XIRP2: variants seen among roughly 807,000 people sequenced by gnomAD.
The protein encoded by XIRP2 is xin actin binding repeat containing 2, also known as xin actin-binding repeat-containing protein 2.
Under a neutral mutation model 277.0 loss-of-function variants are expected in XIRP2, and 236 were observed. That is an observed-to-expected ratio of 0.85 (90% CI 0.77 to 0.95). XIRP2 has a LOEUF of 0.95. XIRP2 is among the 40% of genes least tolerant of loss of function. The pLI is 0.00. For missense variants in XIRP2, 4,640 were observed against 4,157.5 expected (o/e 1.12, Z -3.19); for synonymous variants, 1,490 against 1,416.5 (o/e 1.05, Z -1.17).
At chr2:167,175,226 A>G (rs1298955311) in intron 3 of XIRP2, among the ~76,000 whole-genome samples, 1 of 152,016 alleles carries the variant, frequency 6.6e-6, no homozygotes, top group African/African-American at 2.4e-5. Flanking sequence ...TTACTTTAGA[A>G]CTTACTTTAT....
intron 2 of XIRP2, among the ~76,000 whole-genome samples, chr2:167,054,178 T>G (rs548041613): frequency 3.3e-5 from 5 of 152,306 alleles, no homozygotes; most frequent in Admixed American, 3.3e-4. Context: ...AATCACAATT[T>G]CAACTTAAAA....
chr2:167,211,492 A>G (rs1694046337), intron 4 of XIRP2, among the ~76,000 whole-genome samples: 1 of 152,226 alleles, frequency 6.6e-6, no homozygotes, highest in African/African-American at 2.4e-5. Context: ...GGAATCAAAG[A>G]GACAATTTAT....
At chr2:167,143,467 G>A (rs533671658) in intron 3 of XIRP2, among the ~76,000 whole-genome samples, 1 of 152,304 alleles carries the variant, frequency 6.6e-6, no homozygotes, top group African/African-American at 2.4e-5. Flanking sequence ...AGTAGATCCT[G>A]CAAAACCATG....
At chr2:167,161,485 C>T (rs551950147) in intron 3 of XIRP2, among the ~76,000 whole-genome samples, 2 of 152,338 alleles carry the variant, frequency 1.3e-5, no homozygotes, top group South Asian at 4.1e-4. Flanking sequence ...TGTGCACTGG[C>T]AGGCTCAAAA....
At chr2:167,086,020 G>A (rs1343276625) in intron 2 of XIRP2, among the ~76,000 whole-genome samples, 3 of 151,808 alleles carry the variant, frequency 2.0e-5, no homozygotes, top group Non-Finnish European at 4.4e-5. Context: ...GTTAGTTGAT[G>A]CAGTTTCTTC....
At chr2:166,962,505 T>C (rs190143580) in intron 2 of XIRP2, among the ~76,000 whole-genome samples, 2 of 151,832 alleles carry the variant, frequency 1.3e-5, no homozygotes, top group African/African-American at 4.8e-5. Flanking sequence ...CATACATCTA[T>C]AACAGCAAAT....
intron 3 of XIRP2, among the ~76,000 whole-genome samples, chr2:167,147,418 T>C (rs1691892913): frequency 6.6e-6 from 1 of 152,106 alleles, no homozygotes; most frequent in Non-Finnish European, 1.5e-5. Flanking sequence ...CCAGGTCAGA[T>C]TGTTTATGCC....
intron 2 of XIRP2, among the ~76,000 whole-genome samples, chr2:167,028,444 A>G (rs1688235861): frequency 6.6e-6 from 1 of 152,084 alleles, no homozygotes; most frequent in Non-Finnish European, 1.5e-5. Context: ...CTCAGATCTT[A>G]CCCAAGGCCA....
chr2:167,005,474 G>T (rs572514400), intron 2 of XIRP2, among the ~76,000 whole-genome samples: 1 of 151,824 alleles, frequency 6.6e-6, no homozygotes, highest in Non-Finnish European at 1.5e-5. Flanking sequence ...CAGTGAGTCA[G>T]TGGGTGCTGA....
At chr2:166,910,441 G>GCT (rs1282888601) in intron 2 of XIRP2, among the ~76,000 whole-genome samples, 1 of 152,106 alleles carries the variant, frequency 6.6e-6, no homozygotes, top group Non-Finnish European at 1.5e-5. Context: ...TTGTATTTCT[G>GCT]TGGGATCGGT....
At chr2:166,954,575 C>A (rs1679444472) in intron 2 of XIRP2, among the ~76,000 whole-genome samples, 1 of 151,846 alleles carries the variant, frequency 6.6e-6, no homozygotes, top group Non-Finnish European at 1.5e-5. Flanking sequence ...TGGGTATATA[C>A]CCAAAGGAAC....
intron 2 of XIRP2, among the ~76,000 whole-genome samples, chr2:167,025,309 A>T (rs1688120637): frequency 6.6e-6 from 1 of 151,922 alleles, no homozygotes; most frequent in Non-Finnish European, 1.5e-5. Context: ...TATCCCCTTT[A>T]TCATTTTTTA....
intron 2 of XIRP2, among the ~76,000 whole-genome samples, chr2:167,109,930 T>C (rs906694106): frequency 2.0e-5 from 3 of 152,154 alleles, no homozygotes; most frequent in Admixed American, 2.0e-4. Context: ...ATTAGTGATG[T>C]TGAGCTTTTT....
chr2:167,230,726 G>A (rs116581287), intron 5 of XIRP2, among the ~76,000 whole-genome samples: 3,032 of 152,080 alleles, frequency 0.02, 43 homozygotes, highest in South Asian at 0.063. Context: ...CGGAAGAGCC[G>A]TGAAGAAATT....
At chr2:166,912,487 G>C (rs1019250075) in intron 2 of XIRP2, among the ~76,000 whole-genome samples, 37 of 152,080 alleles carry the variant, frequency 2.4e-4, no homozygotes, top group Non-Finnish European at 1.0e-4. Context: ...CTCTACTTTG[G>C]TTATTCTAGT....
chr2:167,077,809 AGAG>A (rs540642968), intron 2 of XIRP2, among the ~76,000 whole-genome samples: 21 of 152,178 alleles, frequency 1.4e-4, no homozygotes, highest in Non-Finnish European at 3.1e-4. Context: ...GATTTGGAGC[AGAG>A]AAGAAACATA....
Position 167,254,329 on chromosome 2 carries a change from CT to C in XIRP2, c.*39+169del, listed in dbSNP as rs753114854. ...ATGTTCTGTGATGTATTTCTGCGAC[CT>C]TTTTCCTTTAGGAATTTTACTTTTC... On this transcript the variant is annotated intron_variant, in intron 10 of 10. Transcript: ENST00000409195. 2.8e-4 allele frequency among the ~76,000 whole-genome samples: 43 copies of C among 151,998 alleles called. 1 individual carries two copies. Among genetic ancestry groups the C allele is most frequent in the Non-Finnish European group, 5.9e-4 (40 of 67,868 alleles).
In XIRP2 at chr2:167,026,178, G is replaced by C. The variant is rs780386509; in HGVS notation, c.409-109731G>C. Among the ~76,000 whole-genome samples the C allele has an allele frequency of 3.8e-3, 571 of 152,096 alleles. 1 individual carries two copies. Among genetic ancestry groups the C allele is most frequent in the Middle Eastern group, 6.8e-3 (2 of 294 alleles). ...TATATATTTAGGATAGTTAGCTCTT[G>C]TTGTTGAATTGATCCCTTTACCATT... On this transcript the variant is annotated intron_variant, in intron 2 of 10. Transcript: ENST00000409195.
chr2:166,976,027 A>G (rs1385752885), intron 2 of XIRP2, among the ~76,000 whole-genome samples: 1 of 148,950 alleles, frequency 6.7e-6, no homozygotes, highest in African/African-American at 2.5e-5. Context: ...TCCTTTCACT[A>G]TTGTTGTAGA....
Sources: allele counts gnomAD v4.1 joint callset (sites outside exome capture counted in the v4.1 genomes callset), GRCh38; gene constraint gnomAD v4.1.1; transcripts MANE v1.5; gene names NCBI Gene and HGNC (gene_info 2026-07-23, HGNC 2026-07-21).